Variants in RBFOX1 observed in about 807,000 individuals in gnomAD.
The protein encoded by RBFOX1 is RNA binding fox-1 homolog 1.
In RBFOX1, 8 loss-of-function variants were observed where a neutral mutation model predicts 57.7. The ratio of observed to expected loss-of-function variants is 0.14; its 90% CI spans 0.08 to 0.25. The LOEUF (loss-of-function observed/expected upper bound fraction) is 0.25. Ranked by LOEUF, RBFOX1 falls within the 10% of genes least tolerant of loss-of-function variation. RBFOX1 has a pLI of 1.00. For synonymous variants in RBFOX1, 326 were observed against 222.4 expected, an observed-to-expected ratio of 1.47 and a Z score of -4.15; for missense variants, 611 against 548.5, an observed-to-expected ratio of 1.11 and a Z score of -1.14.
At chr16:6,056,035 G>C (rs2095610264) in intron 1 of RBFOX1, among the ~76,000 whole-genome samples, 2 of 152,174 alleles carry the variant, frequency 1.3e-5, no homozygotes, top group South Asian at 4.1e-4. Context: ...CACTCAATGA[G>C]GGTTCTTGGG....
intron 3 of RBFOX1, among the ~76,000 whole-genome samples, chr16:5,723,355 C>G (rs569801805): frequency 2.6e-5 from 4 of 151,508 alleles, no homozygotes; most frequent in Admixed American, 6.6e-5. Flanking sequence ...TGGTCTAAGG[C>G]TGAGTAGTCA....
At chr16:7,622,432 T>C (rs1300461103) in intron 10 of RBFOX1, among the ~76,000 whole-genome samples, 1 of 152,212 alleles carries the variant, frequency 6.6e-6, no homozygotes, top group Admixed American at 6.5e-5. Context: ...ATATTTCCTG[T>C]CAATGCCACT....
At chr16:5,949,938 C>G (rs2059486987) in intron 4 of RBFOX1, among the ~76,000 whole-genome samples, 1 of 152,156 alleles carries the variant, frequency 6.6e-6, no homozygotes. Context: ...TGACTGGCCC[C>G]CCAGATGAGA....
intron 2 of RBFOX1, among the ~76,000 whole-genome samples, chr16:6,399,234 C>G (rs1020275796): frequency 6.6e-6 from 1 of 152,248 alleles, no homozygotes; most frequent in African/African-American, 2.4e-5. Flanking sequence ...CATGAAACCA[C>G]TTTTCCCTCC....
chr16:6,852,057 C>T (rs983410247), intron 3 of RBFOX1, among the ~76,000 whole-genome samples: 1 of 151,690 alleles, frequency 6.6e-6, no homozygotes, highest in Non-Finnish European at 1.5e-5. Flanking sequence ...TCTTGAGTAG[C>T]TGAGACTACA....
chr16:6,950,506 G>C (rs1396404987), intron 3 of RBFOX1, among the ~76,000 whole-genome samples: 2 of 152,146 alleles, frequency 1.3e-5, no homozygotes, highest in African/African-American at 4.8e-5. Context: ...TTGGATTGAA[G>C]CTGAACAAAT....
intron 14 of RBFOX1, among the ~76,000 whole-genome samples, chr16:7,691,737 A>G (rs1307465511): frequency 6.6e-6 from 1 of 152,200 alleles, no homozygotes; most frequent in Admixed American, 6.5e-5. Flanking sequence ...TTCCTTAGGG[A>G]AAATTGCAGA....
At chr16:6,610,972 C>T (rs1184954529) in intron 2 of RBFOX1, among the ~76,000 whole-genome samples, 1 of 152,142 alleles carries the variant, frequency 6.6e-6, no homozygotes, top group Non-Finnish European at 1.5e-5. Context: ...ATTCACTTAG[C>T]AGCAACTTTT....
At chr16:7,374,435 A>G (rs939693257) in intron 4 of RBFOX1, among the ~76,000 whole-genome samples, 4 of 152,176 alleles carry the variant, frequency 2.6e-5, no homozygotes, top group African/African-American at 7.2e-5. Flanking sequence ...GCTCAGTTGA[A>G]TAATTCATTA....
intron 3 of RBFOX1, among the ~76,000 whole-genome samples, chr16:6,871,533 A>C (rs2153273344): frequency 6.6e-6 from 1 of 152,122 alleles, no homozygotes; most frequent in Non-Finnish European, 1.5e-5. Flanking sequence ...TCATGCCCAG[A>C]GATCAACTCC....
chr16:5,718,831 C>T (rs1416225825), intron 3 of RBFOX1, among the ~76,000 whole-genome samples: 3 of 152,098 alleles, frequency 2.0e-5, no homozygotes, highest in Admixed American at 6.5e-5. Flanking sequence ...ATCGCTTGAA[C>T]CTGGGAGGCT....
chr16:7,097,340 C>T (rs1428493438), intron 4 of RBFOX1, among the ~76,000 whole-genome samples: 1 of 151,976 alleles, frequency 6.6e-6, no homozygotes, highest in East Asian at 1.9e-4. Context: ...AGAGAGAGTT[C>T]TGAGACAGGC....
intron 1 of RBFOX1, among the ~76,000 whole-genome samples, chr16:5,441,662 G>C (rs2068088460): frequency 6.6e-6 from 1 of 152,126 alleles, no homozygotes; most frequent in African/African-American, 2.4e-5. Flanking sequence ...ACTGTTCCTG[G>C]CAGGAAAGAG....
At chr16:6,977,729 G>C (rs1448157260) in intron 3 of RBFOX1, among the ~76,000 whole-genome samples, 2 of 151,998 alleles carry the variant, frequency 1.3e-5, no homozygotes, top group African/African-American at 4.8e-5. Flanking sequence ...TGTGGGTGGA[G>C]GAAGGCTGAA....
intron 9 of RBFOX1, among the ~76,000 whole-genome samples, chr16:7,606,939 CT>C (rs2095306721): frequency 6.6e-6 from 1 of 151,986 alleles, no homozygotes; most frequent in Non-Finnish European, 1.5e-5. Context: ...GATGGATTAT[CT>C]AGCAGTGATA....
rs551261500 is a variant in RBFOX1, at chr16:6,530,398, C to G, written c.-63-124205C>G. Among the ~76,000 whole-genome samples the G allele has an allele frequency of 1.2e-3, 180 of 152,274 alleles. 2 individuals are homozygous for G. The highest frequency in any genetic ancestry group is 4.0e-3 in the African/African-American group (166 of 41,562). On this transcript the variant is annotated intron_variant, in intron 2 of 15. Coordinates refer to ENST00000550418, the MANE Select transcript of RBFOX1 (RefSeq NM_018723.4). ...TTGGTGCTACATTCCAAGAGGCTCA[C>G]CTGCAAGATGGGGAGACAGTGGGCT...
chr16:7,142,376 T>G (rs372146558), intron 4 of RBFOX1, among the ~76,000 whole-genome samples: 1 of 152,174 alleles, frequency 6.6e-6, no homozygotes, highest in Admixed American at 6.5e-5. Flanking sequence ...GCCCGTGAAA[T>G]GAGGTCCATG....
chr16:6,581,323 A>G (rs981597890), intron 2 of RBFOX1, among the ~76,000 whole-genome samples: 4 of 152,294 alleles, frequency 2.6e-5, no homozygotes, highest in African/African-American at 9.6e-5. Flanking sequence ...GTGAAGCATG[A>G]ACCCAGCACC....
chr16:6,924,588 C>T (rs76961439), intron 3 of RBFOX1, among the ~76,000 whole-genome samples: 3,225 of 152,164 alleles, frequency 0.021, 118 homozygotes, highest in African/African-American at 0.073. Flanking sequence ...TATCACCGAG[C>T]CTCCATTTCT....
Sources: gnomAD v4.1 joint callset for allele counts (sites outside exome capture counted in the v4.1 genomes callset) on GRCh38, gnomAD v4.1.1 for gene constraint, MANE v1.5 for transcripts, NCBI Gene and HGNC (gene_info 2026-07-23, HGNC 2026-07-21) for gene names.